NCK2: variants seen among roughly 807,000 people sequenced by gnomAD.
NCK2 encodes the protein cytoplasmic protein NCK2.
Under a neutral mutation model 33.9 loss-of-function variants are expected in NCK2, and 16 were observed. The ratio of observed to expected loss-of-function variants is 0.47; its 90% CI spans 0.32 to 0.72. NCK2 has a LOEUF of 0.72. NCK2 is among the 30% of genes least tolerant of loss of function. The pLI is 0.03. For missense variants in NCK2, 418 were observed against 537.3 expected (o/e 0.78, Z 2.19); for synonymous variants, 273 against 239.9 (o/e 1.14, Z -1.27).
At chr2:105,868,426 C>G (rs762957590) in intron 3 of NCK2, among the ~76,000 whole-genome samples, 3 of 152,040 alleles carry the variant, frequency 2.0e-5, no homozygotes, top group Non-Finnish European at 2.9e-5. Context: ...GGAAGCAGGC[C>G]GTGCTGAGGC....
chr2:105,845,614 G>A (rs914619533), intron 2 of NCK2, among the ~76,000 whole-genome samples: 3 of 151,928 alleles, frequency 2.0e-5, no homozygotes, highest in Admixed American at 6.6e-5. Context: ...GGCTGGTCTC[G>A]AACTCCTGAC....
intron 3 of NCK2, 27 bp downstream of exon 3, chr2:105,855,316 A>C: frequency 6.5e-7 from 1 of 1,531,836 alleles, no homozygotes; most frequent in South Asian, 1.2e-5. Flanking sequence ...CGAGAGAGGA[A>C]GCCTTGTGCA....
rs1689220895 is a variant in NCK2 at position 105,744,997 on chromosome 2, T to C, written c.-342T>C. The C allele has an allele frequency of 1.5e-5, 2 of 133,254 alleles. No individual in the cohort carries two copies. Among genetic ancestry groups the C allele is most frequent in the Admixed American group, 7.3e-5 (1 of 13,780 alleles). 8.3% of individuals were successfully genotyped at this position (133,254 alleles called of 1,614,324 possible). ...GCTCGCGGCGCCCGGGCCGGCAGGGTCCGCCCGGGCCGGCAGCGTCCGCCC... is the reference window on the plus strand; with the variant it reads ...GCTCGCGGCGCCCGGGCCGGCAGGGCCCGCCCGGGCCGGCAGCGTCCGCCC... On this transcript the variant is annotated 5_prime_UTR_variant, in exon 1 of 5. Transcript: ENST00000233154.
chr2:105,881,515 C>A lies in NCK2; in HGVS notation c.414C>A (p.Val138=), dbSNP rs1678482947. ...TGTCCCTGGTGAAGGGGTCGCGCGT[C>A]ACCGTCATGGAGAAGTGCAGCGACG... ...DELSLVKGSR[V]TVMEKCSDGW... The change falls in exon 4 of 5, where the codon GTC becomes GTA. Residue 138 remains valine, a synonymous_variant. Coordinates refer to ENST00000233154, the MANE Select transcript of NCK2 (RefSeq NM_003581.5). The A allele has an allele frequency of 1.2e-6, 2 of 1,614,064 alleles. No homozygotes were observed. Among genetic ancestry groups the A allele is most frequent in the East Asian group, 4.5e-5 (2 of 44,880 alleles).
At chr2:105,821,609 T>G (rs1392984785) in intron 2 of NCK2, among the ~76,000 whole-genome samples, 3 of 152,132 alleles carry the variant, frequency 2.0e-5, no homozygotes, top group African/African-American at 4.8e-5. Flanking sequence ...CCACATTGAT[T>G]CCACAGTGCC....
intron 2 of NCK2, among the ~76,000 whole-genome samples, chr2:105,838,854 A>G (rs1351986546): frequency 6.6e-6 from 1 of 152,218 alleles, no homozygotes; most frequent in East Asian, 1.9e-4. Context: ...TTACAAAGGG[A>G]CAAAGTCCTT....
intron 3 of NCK2, among the ~76,000 whole-genome samples, chr2:105,857,803 CA>C (rs1677342116): frequency 6.6e-6 from 1 of 152,088 alleles, no homozygotes; most frequent in South Asian, 2.1e-4. Context: ...TTTTGTTGGA[CA>C]AAGGGATGTT....
At position 105,855,543 on chromosome 2, in the gene NCK2, A is replaced by G. The variant is rs111907997; in HGVS notation, c.226+254A>G. 2,610 of 362,010 alleles carry G rather than the reference A, an allele frequency of 7.2e-3. 57 individuals are homozygous for G. The highest frequency in any genetic ancestry group is 0.049 in the African/African-American group (2,403 of 48,876). 22.4% of individuals were successfully genotyped at this position (362,010 alleles called of 1,614,324 possible). ...GTGTGCTTGGGACCCCTGCACAGGTATCTCCTTGTATCAAAACGTTAGAGG... is the reference window on the plus strand; with the variant it reads ...GTGTGCTTGGGACCCCTGCACAGGTGTCTCCTTGTATCAAAACGTTAGAGG... On this transcript the variant is annotated intron_variant, in intron 3 of 4. Transcript: ENST00000233154.
intron 2 of NCK2, among the ~76,000 whole-genome samples, chr2:105,842,500 T>C (rs1226829393): frequency 6.6e-6 from 1 of 152,216 alleles, no homozygotes; most frequent in East Asian, 1.9e-4. Context: ...AATAAAAATC[T>C]GAATCATATT....
chr2:105,876,748 T>C (rs1322782869), intron 3 of NCK2, among the ~76,000 whole-genome samples: 2 of 152,202 alleles, frequency 1.3e-5, no homozygotes, highest in East Asian at 1.9e-4. Flanking sequence ...TTTACTTTAA[T>C]GAAAGATGAG....
rs144231814 is a variant in NCK2, at chr2:105,790,443, T to C, written c.-200-25987T>C. On this transcript the variant is annotated intron_variant, in intron 1 of 4. Transcript: ENST00000233154. ...CCTGGGCAGCAGGAGAGTCTGTGCC[T>C]GTGAGGAGACCCCTCTGCAGGCAGC... Among the ~76,000 whole-genome samples, 1,277 of 152,348 alleles carry C rather than the reference T, an allele frequency of 8.4e-3. 24 individuals are homozygous for C. Among genetic ancestry groups the C allele is most frequent in the African/African-American group, 0.029 (1,205 of 41,584 alleles).
At chr2:105,813,568 C>T (rs1041451542) in intron 1 of NCK2, among the ~76,000 whole-genome samples, 3 of 152,196 alleles carry the variant, frequency 2.0e-5, no homozygotes, top group African/African-American at 7.2e-5. Flanking sequence ...GAAGACACTG[C>T]GCCAGCACCA....
At chr2:105,849,102 G>T (rs1177325656) in intron 2 of NCK2, among the ~76,000 whole-genome samples, 3 of 152,190 alleles carry the variant, frequency 2.0e-5, no homozygotes, top group African/African-American at 7.2e-5. Context: ...AAGAAATCAA[G>T]ACCAGGTGTA....
intron 1 of NCK2, among the ~76,000 whole-genome samples, chr2:105,814,698 C>A (rs1675420568): frequency 6.6e-6 from 1 of 152,136 alleles, no homozygotes; most frequent in Non-Finnish European, 1.5e-5. Context: ...TTGGGAAAAA[C>A]CTTTAGTGTC....
At chr2:105,771,841 C>A (rs573481972) in intron 1 of NCK2, among the ~76,000 whole-genome samples, 1 of 152,320 alleles carries the variant, frequency 6.6e-6, no homozygotes, top group East Asian at 1.9e-4. Flanking sequence ...AGCTGCCATT[C>A]CTTTGTGAGG....
At chr2:105,772,339 C>A (rs1441346591) in intron 1 of NCK2, among the ~76,000 whole-genome samples, 6 of 152,138 alleles carry the variant, frequency 3.9e-5, no homozygotes, top group Admixed American at 3.9e-4. Flanking sequence ...ACTAAGCATC[C>A]TTCCCATTTG....
At chr2:105,852,075 T>G (rs1677089847) in intron 2 of NCK2, among the ~76,000 whole-genome samples, 1 of 150,214 alleles carries the variant, frequency 6.7e-6, no homozygotes, top group Non-Finnish European at 1.5e-5. Context: ...AATAAGCCTA[T>G]CAAAATGCAG....
At position 105,752,954 on chromosome 2, in the gene NCK2, A is replaced by C. The variant is rs1273527903; in HGVS notation, c.-201+7816A>C. 3.3e-5 allele frequency among the ~76,000 whole-genome samples: 5 copies of C among 152,108 alleles called. No homozygotes were observed. The East Asian group carries it at 9.6e-4, about 29-fold the overall frequency. ...GTAATCACTGTTCTAAGCACTTTCC[A>C]TGTAATAACTCATTGAGTCCTCACC... On this transcript the variant is annotated intron_variant, in intron 1 of 4. Transcript: ENST00000233154.
intron 4 of NCK2, among the ~76,000 whole-genome samples, chr2:105,890,126 G>A (rs1045430585): frequency 6.6e-6 from 1 of 152,060 alleles, no homozygotes; most frequent in Non-Finnish European, 1.5e-5. Context: ...GGCATAAATT[G>A]GTTCTACATC....
Sources: gnomAD v4.1 joint callset for allele counts (sites outside exome capture counted in the v4.1 genomes callset) on GRCh38, gnomAD v4.1.1 for gene constraint, MANE v1.5 for transcripts, NCBI Gene and HGNC (gene_info 2026-07-23, HGNC 2026-07-21) for gene names.